Variants in RADIL observed in about 807,000 individuals in gnomAD.
RADIL encodes Rap associating with DIL domain.
RADIL carries 99 observed loss-of-function variants against 97.6 expected under a neutral mutation model. That is an observed-to-expected ratio of 1.01 (90% CI 0.86 to 1.20). RADIL has a LOEUF of 1.20. Among genes scored for constraint, RADIL ranks in the 50% most tolerant of loss-of-function variants. The pLI, the probability that RADIL is intolerant of heterozygous loss-of-function variation, is 0.00. For missense variants in RADIL, 1,765 were observed against 1,498.9 expected, an observed-to-expected ratio of 1.18 and a Z score of -2.93; for synonymous variants, 803 against 691.8, an observed-to-expected ratio of 1.16 and a Z score of -2.52.
chr7:4,840,735 G>A lies in RADIL; in HGVS notation c.536-4130C>T, dbSNP rs564654776. 2.0e-5 allele frequency among the ~76,000 whole-genome samples: 3 copies of A among 152,312 alleles called. No individual in the cohort carries two copies. Among genetic ancestry groups the A allele is most frequent in the East Asian group, 3.9e-4 (2 of 5,180 alleles). On this transcript the variant is annotated intron_variant, in intron 2 of 14. Transcript: ENST00000399583. This position sits in a 1 kb window ranked among gnomAD's most constrained non-coding sequence, Gnocchi z 5.6. ...TGTAATCCCAGCACTTTGGGAGGCC[G>A]AGGCAGGTGGATCACGAGGTCAAGA...
chr7:4,807,565 CTCTCCT>C (rs1377970440), intron 9 of RADIL, among the ~76,000 whole-genome samples: 19 of 115,064 alleles, frequency 1.7e-4, no homozygotes, highest in Non-Finnish European at 3.0e-4. Context: ...TCCCTCCTCC[CTCTCCT>C]TCTCTCTCTC....
Position 4,867,929 on chromosome 7 carries a change from C to T in RADIL, c.535+9676G>A, listed in dbSNP as rs1270948537. On this transcript the variant is annotated intron_variant, in intron 2 of 14. Transcript: ENST00000399583. This position sits in a 1 kb window ranked among gnomAD's most constrained non-coding sequence, Gnocchi z 4.1. ...AGCAGAGAGAAGCTTGGCCCTTTCT[C>T]TGCACTTACTTGTTCCCCATATTGG... Among the ~76,000 whole-genome samples the T allele has an allele frequency of 6.6e-6, 1 of 152,244 alleles. No homozygotes were observed. The highest frequency in any genetic ancestry group is 1.5e-5 in the Non-Finnish European group (1 of 68,048).
In RADIL at chr7:4,877,543, C is replaced by T. The variant is rs562293966; in HGVS notation, c.535+62G>A. The T allele has an allele frequency of 9.2e-6, 14 of 1,522,230 alleles. No individual in the cohort carries two copies. The East Asian group carries it at 2.5e-4, about 27-fold the overall frequency. The allele number at this position is 1,522,230 out of a possible 1,614,324, so 94.3% of individuals were successfully genotyped here. A position where few individuals can be genotyped will look rare whatever the true frequency, so the allele number is the denominator to read the frequency against. On this transcript the variant is annotated intron_variant, in intron 2 of 14. Coordinates refer to ENST00000399583, the MANE Select transcript of RADIL (RefSeq NM_018059.5). ...CCCTGCACCACTCCTTCTCCGCCTA[C>T]CTCGGCTGGCCTTCTCAGCGCTCAG... is the stretch of plus-strand genomic sequence containing the variant.
At position 4,818,428 on chromosome 7, in the gene RADIL, G is replaced by T. The variant is rs1782736441; in HGVS notation, c.1616-1077C>A. On this transcript the variant is annotated intron_variant, in intron 6 of 14. Transcript: ENST00000399583. This position sits in a 1 kb window ranked among gnomAD's most constrained non-coding sequence, Gnocchi z 7.1. Reference sequence around the variant, plus strand: ...GGTGCTCCTCCTTCAGGGGCTTGGGGCTGCCTGGCCCCCACCCACCAAGCC... The same window carrying T: ...GGTGCTCCTCCTTCAGGGGCTTGGGTCTGCCTGGCCCCCACCCACCAAGCC... 6.6e-6 allele frequency among the ~76,000 whole-genome samples: 1 copy of T among 152,232 alleles called. No homozygotes were observed. The highest frequency in any genetic ancestry group is 6.5e-5 in the Admixed American group (1 of 15,292).
rs541646597 is a variant in RADIL at position 4,877,900 on chromosome 7, G to A, written c.240C>T (p.Ser80=). Residue 80 remains serine, a synonymous_variant, in exon 2 of 15, where the codon AGC becomes AGT. Transcript: ENST00000399583. ...DSVCTGTHYK[S]VLATGTSSAR... ...CGCTGGAGGTGCCGGTGGCCAGGAC[G>A]CTCTTGTAGTGGGTTCCTGTGCAGA... 6 of 1,605,688 alleles carry A rather than the reference G, an allele frequency of 3.7e-6. No homozygotes were observed. Among genetic ancestry groups the A allele is most frequent in the East Asian group, 2.2e-5 (1 of 44,868 alleles).
intron 9 of RADIL, chr7:4,811,287 G>C (rs1000311427): frequency 7.2e-5 from 11 of 152,386 alleles, no homozygotes; most frequent in African/African-American, 2.4e-4. Context: ...ACTCGGACCA[G>C]CCTGAAATGT....
At position 4,840,229 on chromosome 7, in the gene RADIL, G is replaced by C. The variant is rs1583298328; in HGVS notation, c.536-3624C>G. Reference sequence around the variant, plus strand: ...ACATGGCCTCCCAAGTTCCCATAGAGAGAGCTGCAATCGTGCCCTGTTTGT... The same window carrying C: ...ACATGGCCTCCCAAGTTCCCATAGACAGAGCTGCAATCGTGCCCTGTTTGT... On this transcript the variant is annotated intron_variant, in intron 2 of 14. Coordinates refer to ENST00000399583, the MANE Select transcript of RADIL (RefSeq NM_018059.5). This position sits in a 1 kb window ranked among gnomAD's most constrained non-coding sequence, Gnocchi z 5.6. Among the ~76,000 whole-genome samples the C allele has an allele frequency of 6.6e-6, 1 of 152,086 alleles. No individual in the cohort carries two copies.
chr7:4,812,282 T>C (rs1782568100), intron 9 of RADIL, among the ~76,000 whole-genome samples: 1 of 152,226 alleles, frequency 6.6e-6, no homozygotes, highest in Non-Finnish European at 1.5e-5. Flanking sequence ...TTCATCTAAA[T>C]TGTCAAATTT....
chr7:4,864,633 T>G (rs1342644618), intron 2 of RADIL, among the ~76,000 whole-genome samples: 2 of 152,190 alleles, frequency 1.3e-5, no homozygotes, highest in African/African-American at 2.4e-5. Context: ...TCTACCCAAC[T>G]CTTGATACAA....
chr7:4,833,729 C>T (rs78475195), intron 4 of RADIL, among the ~76,000 whole-genome samples: 2 of 152,158 alleles, frequency 1.3e-5, no homozygotes, highest in Admixed American at 6.5e-5. Flanking sequence ...GGTCTCTGAA[C>T]GAACTTGAAC....
intron 2 of RADIL, among the ~76,000 whole-genome samples, chr7:4,876,590 C>T (rs774957543): frequency 2.0e-5 from 3 of 151,898 alleles, no homozygotes; most frequent in African/African-American, 4.9e-5. Flanking sequence ...TGTGAGCCAC[C>T]GCGCCTGGCC....
At chr7:4,807,898 CTCT>C (rs984012972) in intron 9 of RADIL, among the ~76,000 whole-genome samples, 2 of 48,300 alleles carry the variant, frequency 4.1e-5, no homozygotes, top group Non-Finnish European at 8.1e-5. Context: ...TCCCTCTTCC[CTCT>C]TCTTCTCCCT....
In RADIL at chr7:4,854,104, T is replaced by C. The variant is rs1338394597; in HGVS notation, c.536-17499A>G. ...TCTTTCTTCCTGCCTTAAATGAAGA[T>C]GTGATGGCAGGGGCCCCATTAACCA... On this transcript the variant is annotated intron_variant, in intron 2 of 14. Transcript: ENST00000399583. This position sits in a 1 kb window ranked among gnomAD's most constrained non-coding sequence, Gnocchi z 5.1. Among the ~76,000 whole-genome samples the C allele has an allele frequency of 1.3e-5, 2 of 152,118 alleles. No homozygotes were observed. Among genetic ancestry groups the C allele is most frequent in the Non-Finnish European group, 2.9e-5 (2 of 68,018 alleles).
Position 4,813,127 on chromosome 7 carries a change from TTTCA to T in RADIL, c.2139+2147_2139+2150del, listed in dbSNP as rs1782591101. Among the ~76,000 whole-genome samples, 1 of 151,910 alleles carries T rather than the reference TTTCA, an allele frequency of 6.6e-6. No homozygotes were observed. The highest frequency in any genetic ancestry group is 2.4e-5 in the African/African-American group (1 of 41,294). On this transcript the variant is annotated intron_variant, in intron 9 of 14. Transcript: ENST00000399583. This position sits in a 1 kb window ranked among gnomAD's most constrained non-coding sequence, Gnocchi z 5.0. Reference sequence around the variant, plus strand: ...TTCCTTTCTTTCTTTCTTTTCTTTCTTTCATAGTTGAGGTCTTCCTCTGTTGCCC... The same window carrying T: ...TTCCTTTCTTTCTTTCTTTTCTTTCTTAGTTGAGGTCTTCCTCTGTTGCCC...
intron 10 of RADIL, 119 bp downstream of exon 10, chr7:4,805,447 C>T: frequency 7.8e-7 from 1 of 1,283,730 alleles, no homozygotes; most frequent in Non-Finnish European, 1.0e-6. Context: ...CCAGGGAGGT[C>T]CCCAGGAGAG....
rs146944580 is a variant in RADIL, at chr7:4,872,749, G to A, written c.535+4856C>T. Among the ~76,000 whole-genome samples, 617 of 152,262 alleles carry A rather than the reference G, an allele frequency of 4.1e-3. 5 individuals carry two copies. Among genetic ancestry groups the A allele is most frequent in the African/African-American group, 0.014 (580 of 41,546 alleles). The stretch of plus-strand genomic sequence containing the variant: ...GAAAACAAAAACCCAAAGTGCCTGC[G>A]TGCATTTCTACAGGGGGGTAGCAGT... On this transcript the variant is annotated intron_variant, in intron 2 of 14. Transcript: ENST00000399583. This position sits in a 1 kb window ranked among gnomAD's most constrained non-coding sequence, Gnocchi z 5.8.
At chr7:4,859,834 CTT>C (rs1783929911) in intron 2 of RADIL, 5 of 1,028,358 alleles carry the variant, frequency 4.9e-6, no homozygotes, top group Middle Eastern at 2.3e-4. Flanking sequence ...AGTTTCTCCT[CTT>C]CCGTTTTGGT....
At chr7:4,841,828 G>A (rs1008773751) in intron 2 of RADIL, among the ~76,000 whole-genome samples, 2 of 152,224 alleles carry the variant, frequency 1.3e-5, no homozygotes, top group African/African-American at 4.8e-5. Flanking sequence ...CAGCACTTTG[G>A]GAGGCCGAGG....
rs1554262072 is a variant in RADIL, at chr7:4,819,072, C to CTCT, written c.1616-1722_1616-1721insAGA. On this transcript the variant is annotated intron_variant, in intron 6 of 14. Coordinates refer to ENST00000399583, the MANE Select transcript of RADIL (RefSeq NM_018059.5). The surrounding 1 kb of genome is among the most constrained non-coding windows in gnomAD (Gnocchi z 5.8). The stretch of plus-strand genomic sequence containing the variant: ...ACTCCATTTCTCTCTCTCTCTCTCT[C>CTCT]TTTTTTTTTTTTTTTTAAAGACAGA... Among the ~76,000 whole-genome samples, 34 of 133,352 alleles carry CTCT rather than the reference C, an allele frequency of 2.5e-4. No individual in the cohort carries two copies. The highest frequency in any genetic ancestry group is 9.0e-4 in the African/African-American group (31 of 34,330). The allele number at this position is 133,352 out of a possible 152,430, so 87.5% of individuals were successfully genotyped here.
Sources: gnomAD v4.1 joint callset for allele counts (sites outside exome capture counted in the v4.1 genomes callset) on GRCh38, gnomAD v4.1.1 for gene constraint, Gnocchi (gnomAD v3.1) non-coding constraint, MANE v1.5 for transcripts, NCBI Gene and HGNC (gene_info 2026-07-23, HGNC 2026-07-21) for gene names.